The following NUB1 variants were observed in gnomAD, a reference collection of about 807,000 sequenced individuals.
The protein encoded by NUB1 is NEDD8 ultimate buster 1.
NUB1 carries 41 observed loss-of-function variants against 77.1 expected under a neutral mutation model. The ratio of observed to expected loss-of-function variants is 0.53; its 90% CI spans 0.41 to 0.69. The LOEUF (loss-of-function observed/expected upper bound fraction) is 0.69, where lower values mean the gene tolerates loss of function less well. Among genes scored for constraint, NUB1 ranks in the 30% least tolerant of loss-of-function variants. The pLI is 0.00. For synonymous variants in NUB1, 257 were observed against 281.0 expected (o/e 0.91, Z 0.85); for missense variants, 643 against 743.8 (o/e 0.86, Z 1.58).
At chr7:151,344,628 T>G (rs1796392863) in intron 1 of NUB1, among the ~76,000 whole-genome samples, 1 of 151,972 alleles carries the variant, frequency 6.6e-6, no homozygotes, top group Non-Finnish European at 1.5e-5. Context: ...AAAATATTTA[T>G]TATCGATAGT....
chr7:151,353,184 G>A (rs2150674427), intron 5 of NUB1, among the ~76,000 whole-genome samples: 1 of 152,318 alleles, frequency 6.6e-6, no homozygotes, highest in South Asian at 2.1e-4. Context: ...CTTCTTGAAG[G>A]AGAAGAGCTA....
At chr7:151,374,546 G>A (rs1798118347) in intron 12 of NUB1, 1 of 450,792 alleles carries the variant, frequency 2.2e-6, no homozygotes, top group African/African-American at 2.0e-5. Context: ...TAGTGAAACA[G>A]GCAGTTTCCA....
At chr7:151,344,763 A>G (rs941949346) in intron 1 of NUB1, among the ~76,000 whole-genome samples, 1 of 152,162 alleles carries the variant, frequency 6.6e-6, no homozygotes, top group Non-Finnish European at 1.5e-5. Context: ...GCGTTTTGAG[A>G]CCAAGGTGGG....
intron 5 of NUB1, among the ~76,000 whole-genome samples, chr7:151,354,812 A>G (rs888773944): frequency 1.3e-5 from 2 of 152,152 alleles, no homozygotes; most frequent in African/African-American, 2.4e-5. Flanking sequence ...GTGCGATTGC[A>G]GCTCACTGCA....
In NUB1 at chr7:151,376,926, C is replaced by T. The variant is rs987097400; in HGVS notation, c.1669+115C>T. 52 of 1,428,752 alleles carry T rather than the reference C, an allele frequency of 3.6e-5. No homozygotes were observed. In the Middle Eastern group the frequency reaches 5.6e-4, roughly 15 times the overall value. The allele number at this position is 1,428,752 out of a possible 1,614,324, so 88.5% of individuals were successfully genotyped here. ...CTGAGGGGGCGTCCCCTGACGTCAC[C>T]GGGCCGGCCACCTGGACAGTGTGGC... On this transcript the variant is annotated intron_variant, in intron 14 of 14. Transcript: ENST00000568733.
At position 151,366,956 on chromosome 7, in the gene NUB1, T is replaced by C; in HGVS notation, c.818T>C (p.Leu273Pro). 1 of 1,611,304 alleles carries C rather than the reference T, an allele frequency of 6.2e-7. No homozygotes were observed. Among genetic ancestry groups the C allele is most frequent in the Non-Finnish European group, 8.5e-7 (1 of 1,178,564 alleles). Residue 273 changes from leucine (L) to proline (P), a missense_variant, in exon 9 of 15, where the codon CTG (leucine) becomes CCG (proline). Transcript: ENST00000568733. ...DKYFCECCRE[L>P]LDTVDNYAVL... The stretch of plus-strand genomic sequence containing the variant: ...CTTTCCAGTGAGTGTTGCAGAGAGC[T>C]GCTGGACACAGTGGATAACTACGCC...
Position 151,345,330 on chromosome 7 carries a change from G to A in NUB1, c.-2-18G>A. On this transcript the variant is annotated intron_variant, in intron 1 of 14. Transcript: ENST00000568733. ...AAATGCGATGTGGAGTTTTATTAATGTATTGTTTTGCTTTCAGGGATGGCA... is the reference window on the plus strand; with the variant it reads ...AAATGCGATGTGGAGTTTTATTAATATATTGTTTTGCTTTCAGGGATGGCA... The A allele has an allele frequency of 3.4e-6, 5 of 1,461,036 alleles. No homozygotes were observed. Among genetic ancestry groups the A allele is most frequent in the Non-Finnish European group, 3.8e-6 (4 of 1,045,262 alleles). 90.5% of individuals were successfully genotyped at this position (1,461,036 alleles called of 1,614,324 possible).
rs747996917 is a variant in NUB1 at position 151,355,952 on chromosome 7, TACC to T, written c.598+3_598+5del. On this transcript the variant is annotated splice_donor_5th_base_variant and intron_variant, in intron 6 of 14. Transcript: ENST00000568733. ...GACTAGAAATACTGGCAAAGAGAGG[TACC>T]CAGAGCTCTGGGCTTGTCACCCACT... is the stretch of plus-strand genomic sequence containing the variant. 1 of 1,613,332 alleles carries T rather than the reference TACC, an allele frequency of 6.2e-7. No individual in the cohort carries two copies. The highest frequency in any genetic ancestry group is 8.5e-7 in the Non-Finnish European group (1 of 1,179,586).
chr7:151,358,402 C>T (rs538626889), intron 7 of NUB1, among the ~76,000 whole-genome samples: 72 of 152,310 alleles, frequency 4.7e-4, no homozygotes, highest in Non-Finnish European at 9.4e-4. Context: ...GGTACCAGTC[C>T]GTGGCTTGTT....
chr7:151,359,325 C>T (rs1422274856), intron 7 of NUB1, among the ~76,000 whole-genome samples: 1 of 151,282 alleles, frequency 6.6e-6, no homozygotes, highest in Non-Finnish European at 1.5e-5. Context: ...TACCTGTAGT[C>T]CCAGCTACTT....
intron 3 of NUB1, chr7:151,351,070 T>G: frequency 1.5e-5 from 4 of 264,652 alleles, no homozygotes; most frequent in African/African-American, 2.3e-5. Flanking sequence ...AGAAAATGGA[T>G]TAGTGGTTGC....
At chr7:151,351,599 A>G in intron 4 of NUB1, 117 bp downstream of exon 4, 1 of 731,354 alleles carries the variant, frequency 1.4e-6, no homozygotes, top group South Asian at 2.0e-5. Context: ...TCATTTTATA[A>G]AAGAGAAAAT....
chr7:151,374,282 C>T, intron 12 of NUB1, 39 bp downstream of exon 12: 3 of 1,548,822 alleles, frequency 1.9e-6, no homozygotes, highest in Non-Finnish European at 2.6e-6. Flanking sequence ...TGTCCCTGAG[C>T]AGTGGGTCCT....
intron 4 of NUB1, chr7:151,352,137 G>A (rs746968071): frequency 4.4e-6 from 2 of 456,558 alleles, no homozygotes; most frequent in African/African-American, 4.0e-5. Context: ...ACACACATGC[G>A]TAGAAGACCC....
chr7:151,341,928 C>T, intron 1 of NUB1, 82 bp downstream of exon 1: 1 of 1,392,400 alleles, frequency 7.2e-7, no homozygotes, highest in African/African-American at 1.5e-5. Context: ...CGACTGGGCA[C>T]CTCTCCTGGC....
At chr7:151,344,964 C>A (rs777847047) in intron 1 of NUB1, among the ~76,000 whole-genome samples, 1 of 152,178 alleles carries the variant, frequency 6.6e-6, no homozygotes, top group African/African-American at 2.4e-5. Context: ...CGCACCACTG[C>A]ACTCCAGCCT....
intron 3 of NUB1, 121 bp downstream of exon 3, chr7:151,349,361 AT>A: frequency 1.2e-6 from 1 of 820,734 alleles, no homozygotes; most frequent in Non-Finnish European, 1.9e-6. Flanking sequence ...GACTTTACAT[AT>A]TGAACAATTT....
At position 151,352,809 on chromosome 7, in the gene NUB1, C is replaced by G; in HGVS notation, c.345-3C>G. Reference sequence around the variant, plus strand: ...TACAATTTTCACTGGTTTTATTTTACAGAATAGCTGAAACCTTTGGACTTC... The same window carrying G: ...TACAATTTTCACTGGTTTTATTTTAGAGAATAGCTGAAACCTTTGGACTTC... On this transcript the variant is annotated splice_polypyrimidine_tract_variant and splice_region_variant and intron_variant, in intron 4 of 14. Transcript: ENST00000568733. 2 of 1,513,614 alleles carry G rather than the reference C, an allele frequency of 1.3e-6. No individual in the cohort carries two copies. Among genetic ancestry groups the G allele is most frequent in the Non-Finnish European group, 1.8e-6 (2 of 1,097,570 alleles). The allele number at this position is 1,513,614 out of a possible 1,614,324, so 93.8% of individuals were successfully genotyped here.
chr7:151,357,896 C>T (rs1172034705), intron 7 of NUB1, among the ~76,000 whole-genome samples: 5 of 152,028 alleles, frequency 3.3e-5, no homozygotes, highest in Admixed American at 1.3e-4. Flanking sequence ...AGGCATGAGC[C>T]ACTGCGCCCG....
Sources: allele counts gnomAD v4.1 joint callset (sites outside exome capture counted in the v4.1 genomes callset), GRCh38; gene constraint gnomAD v4.1.1; transcripts MANE v1.5; gene names NCBI Gene and HGNC (gene_info 2026-07-23, HGNC 2026-07-21).